WASF3: variants seen among roughly 807,000 people sequenced by gnomAD.
WASF3 encodes the protein actin-binding protein WASF3.
In WASF3, 11 loss-of-function variants were observed where a neutral mutation model predicts 46.6. That is an observed-to-expected ratio of 0.24 (90% confidence interval 0.15 to 0.39). WASF3 has a LOEUF of 0.39. WASF3 is among the 10% of genes least tolerant of loss of function. The pLI, the probability that WASF3 is intolerant of heterozygous loss-of-function variation, is 1.00. For synonymous variants in WASF3, 242 were observed against 259.7 expected, an observed-to-expected ratio of 0.93 and a Z score of 0.65; for missense variants, 576 against 669.8, an observed-to-expected ratio of 0.86 and a Z score of 1.55.
At chr13:26,628,985 G>A (rs1881565528) in intron 2 of WASF3, among the ~76,000 whole-genome samples, 1 of 152,248 alleles carries the variant, frequency 6.6e-6, no homozygotes, top group African/African-American at 2.4e-5. Context: ...TTGTGCTTCA[G>A]TGTGCCTTGA....
At chr13:26,616,663 T>A (rs1881143468) in intron 2 of WASF3, among the ~76,000 whole-genome samples, 1 of 152,210 alleles carries the variant, frequency 6.6e-6, no homozygotes, top group Admixed American at 6.5e-5. Context: ...TTTGTCATCT[T>A]CCTTTTCTTC....
chr13:26,550,546 C>T, the WASF3 span, among the ~76,000 whole-genome samples: 1 of 152,256 alleles, frequency 6.6e-6, no homozygotes, highest in Admixed American at 6.5e-5. Flanking sequence ...TAGTTACTTT[C>T]CTAAGTAAGC....
chr13:26,631,661 T>C (rs182214718), intron 2 of WASF3, among the ~76,000 whole-genome samples: 143 of 152,320 alleles, frequency 9.4e-4, no homozygotes, highest in Non-Finnish European at 1.8e-3. Flanking sequence ...GTGGGCTCTT[T>C]TTTCGTTCCA....
intron 3 of WASF3, among the ~76,000 whole-genome samples, chr13:26,661,007 GCT>G (rs767110893): frequency 6.6e-6 from 1 of 152,262 alleles, no homozygotes. Flanking sequence ...TTAACAGCCA[GCT>G]CTCACAGGAA....
At chr13:26,570,288 C>CA (rs1879597269) in intron 1 of WASF3, among the ~76,000 whole-genome samples, 1 of 151,460 alleles carries the variant, frequency 6.6e-6, no homozygotes, top group Non-Finnish European at 1.5e-5. Context: ...AACTGCGTCT[C>CA]AAAAAAACAA....
chr13:26,685,443 C>G (rs1473247357), intron 9 of WASF3, among the ~76,000 whole-genome samples: 1 of 152,176 alleles, frequency 6.6e-6, no homozygotes, highest in Non-Finnish European at 1.5e-5. Flanking sequence ...TGTTCAGGTA[C>G]ACTGAAATTA....
intron 3 of WASF3, among the ~76,000 whole-genome samples, chr13:26,655,055 ACCCAGATTT>A (rs1302566209): frequency 1.3e-5 from 2 of 152,146 alleles, no homozygotes; most frequent in Non-Finnish European, 2.9e-5. Context: ...ATAAACTTTC[ACCCAGATTT>A]CCCAGATTTT....
the WASF3 span, among the ~76,000 whole-genome samples, chr13:26,548,686 T>G: frequency 2.6e-5 from 4 of 152,198 alleles, no homozygotes; most frequent in African/African-American, 9.7e-5. Flanking sequence ...AAGATATTCA[T>G]GACCCTACAG....
chr13:26,683,047 C>G, intron 9 of WASF3, 73 bp downstream of exon 9: 1 of 1,530,416 alleles, frequency 6.5e-7, no homozygotes, highest in South Asian at 1.3e-5. Context: ...CAGCTACAGC[C>G]TCCTTGTCTT....
intron 3 of WASF3, among the ~76,000 whole-genome samples, chr13:26,658,824 G>A (rs1882542116): frequency 6.6e-6 from 1 of 152,232 alleles, no homozygotes; most frequent in Admixed American, 6.5e-5. Context: ...GCACAGAGGG[G>A]GTCAAATGCT....
Position 26,676,677 on chromosome 13 carries a change from T to C in WASF3, c.669T>C (p.Ser223=). The part of the protein sequence containing the change: ...ELRPDNRLSQ[S]VYHGASSEGS... ...GACCCGACAACAGGTTGTCTCAGAG[T>C]GTGTACCATGGAGCGTCTTCCGAGG... is the stretch of plus-strand genomic sequence containing the variant. The change falls in exon 7 of 10, where the codon AGT becomes AGC. Residue 223 remains serine (S), a synonymous_variant. Coordinates refer to ENST00000335327, the MANE Select transcript of WASF3 (RefSeq NM_006646.6). 6.2e-7 allele frequency: 1 copy of C among 1,613,984 alleles called. No homozygotes were observed. Among genetic ancestry groups the C allele is most frequent in the Non-Finnish European group, 8.5e-7 (1 of 1,179,992 alleles).
chr13:26,585,869 G>A (rs530170956), intron 1 of WASF3, among the ~76,000 whole-genome samples: 14 of 152,296 alleles, frequency 9.2e-5, no homozygotes, highest in Admixed American at 3.3e-4. Flanking sequence ...TCTAATGTGA[G>A]TGGAGGTAAT....
chr13:26,661,667 G>C (rs553692154), intron 3 of WASF3, among the ~76,000 whole-genome samples: 42 of 152,206 alleles, frequency 2.8e-4, no homozygotes, highest in Middle Eastern at 3.4e-3. Flanking sequence ...GTTTAATTTT[G>C]GGGGGAACCA....
chr13:26,676,586 A>C lies in WASF3; in HGVS notation c.578A>C (p.Lys193Thr). 6.2e-7 allele frequency: 1 copy of C among 1,614,168 alleles called. No homozygotes were observed. Among genetic ancestry groups the C allele is most frequent in the Non-Finnish European group, 8.5e-7 (1 of 1,180,034 alleles). Reference protein sequence around the residue: ...KRIDGTTREVKKVRKARNRRQ... With the variant: ...KRIDGTTREVTKVRKARNRRQ... ...ATAGATGGCACCACCCGTGAGGTGAAAAAGGTTAGAAAAGCCAGAAACAGG... is the reference window on the plus strand; with the variant it reads ...ATAGATGGCACCACCCGTGAGGTGACAAAGGTTAGAAAAGCCAGAAACAGG... Residue 193 changes from lysine to threonine, a missense_variant, in exon 7 of 10, where the codon AAA becomes ACA. By Grantham distance (78) the Lys-to-Thr change is moderately conservative. Around this residue, in one of 3 missense-constraint regions of WASF3, gnomAD observed 213 missense variants for 278.0 expected, o/e 0.77. Transcript: ENST00000335327.
chr13:26,552,982 C>T (rs986105738), upstream of WASF3, among the ~76,000 whole-genome samples: 1 of 152,204 alleles, frequency 6.6e-6, no homozygotes, highest in Non-Finnish European at 1.5e-5. Context: ...TACATTTTGA[C>T]TTTAGAAATA....
chr13:26,616,914 G>A lies in WASF3; in HGVS notation c.-11+3856G>A, dbSNP rs146310334. On this transcript the variant is annotated intron_variant, in intron 2 of 9. Coordinates refer to ENST00000335327, the MANE Select transcript of WASF3 (RefSeq NM_006646.6). The stretch of plus-strand genomic sequence containing the variant: ...CTACAAGGTCAGAAGCCAGAACAGG[G>A]CCAGATTCAGATTCAATGATGAAAA... Among the ~76,000 whole-genome samples the A allele has an allele frequency of 9.7e-3, 1,483 of 152,252 alleles. 8 individuals carry two copies. The highest frequency in any genetic ancestry group is 0.034 in the Middle Eastern group (10 of 294).
chr13:26,587,368 A>C (rs182527073), intron 1 of WASF3, among the ~76,000 whole-genome samples: 12 of 152,160 alleles, frequency 7.9e-5, no homozygotes, highest in Non-Finnish European at 4.4e-5. Flanking sequence ...GGCCTCTGAA[A>C]GGGCTACACA....
At chr13:26,656,982 G>A (rs1239040872) in intron 3 of WASF3, among the ~76,000 whole-genome samples, 4 of 152,156 alleles carry the variant, frequency 2.6e-5, no homozygotes, top group Admixed American at 1.3e-4. Context: ...TGACAACTGT[G>A]ACTAAAGACT....
At chr13:26,665,460 C>G (rs1197801142) in intron 4 of WASF3, among the ~76,000 whole-genome samples, 1 of 152,146 alleles carries the variant, frequency 6.6e-6, no homozygotes, top group Non-Finnish European at 1.5e-5. Context: ...AGGTTACTGA[C>G]AGTTATTTTA....
Sources: gnomAD v4.1 joint callset for allele counts (sites outside exome capture counted in the v4.1 genomes callset) on GRCh38, gnomAD v4.1.1 for gene constraint, gnomAD v4.1.1 regional missense constraint, MANE v1.5 for transcripts, NCBI Gene and HGNC (gene_info 2026-07-23, HGNC 2026-07-21) for gene names.